Variants in TSFM observed in about 807,000 individuals in gnomAD.
TSFM encodes elongation factor Ts, mitochondrial.
Under a neutral mutation model 33.4 loss-of-function variants are expected in TSFM, and 29 were observed. That is an observed-to-expected ratio of 0.87 (90% confidence interval 0.65 to 1.18). TSFM has a LOEUF of 1.18. TSFM is among the 50% of genes most tolerant of loss of function. The probability of loss-of-function intolerance (pLI) is 0.00; values close to 1 mark genes in which losing one functional copy is unlikely to be tolerated. For synonymous variants in TSFM, 178 were observed against 163.5 expected (o/e 1.09, Z -0.68); for missense variants, 394 against 395.6 (o/e 1.00, Z 0.04).
intron 2 of TSFM, among the ~76,000 whole-genome samples, chr12:57,784,497 AACAGCATAAAACACATATTGT>A (rs1468290765): frequency 2.0e-5 from 3 of 152,236 alleles, no homozygotes; most frequent in Admixed American, 6.5e-5. Context: ...CTTTTGTAAT[AACAGCATAAAACACATATTGT>A]ACAGCTGTAC....
At chr12:57,799,565 A>G (rs1009164328), downstream of TSFM, among the ~76,000 whole-genome samples, 1 of 152,212 alleles carries the variant, frequency 6.6e-6, no homozygotes, top group African/African-American at 2.4e-5. Context: ...CTAGACTAGT[A>G]GCAGAGAAAT....
Position 57,782,803 on chromosome 12 carries a change from TGTCGCTGCTGCG to T in TSFM, c.11_22del (p.LeuArgSerLeu4_?7), listed in dbSNP as rs1199036464. On this transcript the variant is annotated start_lost and inframe_deletion, in exon 1 of 6. Coordinates refer to ENST00000652027, the MANE Select transcript of TSFM (RefSeq NM_005726.6). ...AGGGTGTTTATCGCGGCTAGAGAGA[TGTCGCTGCTGCG>T]GTCGCTGCGCGTGTTTCTGGTCGCG... 7 of 1,590,470 alleles carry T rather than the reference TGTCGCTGCTGCG, an allele frequency of 4.4e-6. No homozygotes were observed. The highest frequency in any genetic ancestry group is 1.1e-5 in the South Asian group (1 of 87,410).
At chr12:57,801,894 A>G (rs1955855842), downstream of TSFM, among the ~76,000 whole-genome samples, 1 of 152,242 alleles carries the variant, frequency 6.6e-6, no homozygotes, top group African/African-American at 2.4e-5. Context: ...TGTAAAGATC[A>G]AAAAGATGAT....
intron 1 of TSFM, 83 bp downstream of exon 1, chr12:57,782,941 G>T: frequency 1.3e-6 from 2 of 1,500,528 alleles, no homozygotes; most frequent in South Asian, 2.5e-5. Flanking sequence ...TCCCAACCTC[G>T]TTTGACTCCA....
downstream of TSFM, chr12:57,802,753 GT>G (rs1955876439): frequency 1.7e-6 from 1 of 588,070 alleles, no homozygotes; most frequent in African/African-American, 1.9e-5. Flanking sequence ...AAGCCTGAGA[GT>G]TTCCTAGAAA....
rs368544762 is a variant in TSFM, at chr12:57,792,936, A to G, written c.484-50A>G. 2.5e-5 allele frequency: 39 copies of G among 1,557,936 alleles called. No individual in the cohort carries two copies. In the African/African-American group the frequency reaches 4.9e-4, roughly 20 times the overall value. ...GACTATTTTTGCCTATTCTTTTGAT[A>G]ATTTGAATAGTACAGAATCAGTTCA... On this transcript the variant is annotated intron_variant, in intron 4 of 5. Coordinates refer to ENST00000652027, the MANE Select transcript of TSFM (RefSeq NM_005726.6).
rs1207338485 is a variant in TSFM at position 57,796,197 on chromosome 12, A to G, written c.592A>G (p.Ile198Val). The change falls in exon 6 of 6, where the codon ATT (isoleucine) becomes GTT (valine). Residue 198 changes from isoleucine to valine, a missense_variant. Physicochemically the swap from Ile to Val is conservative, Grantham distance 29. This residue lies in a region of TSFM where 186 missense variants were observed against 198.8 expected (regional missense o/e 0.94). Coordinates refer to ENST00000652027, the MANE Select transcript of TSFM (RefSeq NM_005726.6). Reference protein sequence around the residue: ...LAIGKLGENMILKRAAWVKVP... With the variant: ...LAIGKLGENMVLKRAAWVKVP... ...AATAGGAAAACTGGGAGAAAACATGATTCTTAAACGAGCTGCATGGGTGAA... is the reference window on the plus strand; with the variant it reads ...AATAGGAAAACTGGGAGAAAACATGGTTCTTAAACGAGCTGCATGGGTGAA... The G allele has an allele frequency of 2.5e-6, 4 of 1,576,024 alleles. No homozygotes were observed. The highest frequency in any genetic ancestry group is 3.4e-6 in the Non-Finnish European group (4 of 1,161,274).
At chr12:57,786,349 T>C (rs1955591334) in intron 3 of TSFM, 58 bp downstream of exon 3, 1 of 1,565,968 alleles carries the variant, frequency 6.4e-7, no homozygotes, top group Non-Finnish European at 8.7e-7. Context: ...GTAAAGCTTG[T>C]AGTAGGCCCT....
chr12:57,785,903 C>T lies in TSFM; in HGVS notation c.232-260C>T, dbSNP rs111599543. ...TGCAGTCCGTCATTGTCCAAAATATCGTTATGTGGTGCGTAACTGTATAAA... is the reference window on the plus strand; with the variant it reads ...TGCAGTCCGTCATTGTCCAAAATATTGTTATGTGGTGCGTAACTGTATAAA... On this transcript the variant is annotated intron_variant, in intron 2 of 5. Coordinates refer to ENST00000652027, the MANE Select transcript of TSFM (RefSeq NM_005726.6). 5.4e-3 allele frequency among the ~76,000 whole-genome samples: 817 copies of T among 152,206 alleles called. 6 individuals carry two copies. The highest frequency in any genetic ancestry group is 0.018 in the African/African-American group (767 of 41,512).
chr12:57,786,812 A>G (rs1021924251), intron 3 of TSFM, among the ~76,000 whole-genome samples: 2 of 152,184 alleles, frequency 1.3e-5, no homozygotes, highest in African/African-American at 2.4e-5. Flanking sequence ...ACATTATTGA[A>G]CCATCTTCTG....
At chr12:57,794,960 C>T (rs543227984) in intron 5 of TSFM, among the ~76,000 whole-genome samples, 21 of 151,756 alleles carry the variant, frequency 1.4e-4, no homozygotes, top group African/African-American at 4.3e-4. Flanking sequence ...GGGGTTTCAC[C>T]GTGTTAGCCA....
chr12:57,798,412 G>C (rs570702636), downstream of TSFM, among the ~76,000 whole-genome samples: 5 of 152,096 alleles, frequency 3.3e-5, no homozygotes, highest in African/African-American at 7.2e-5. Context: ...GGATCTTATT[G>C]AGCATAAAAT....
intron 4 of TSFM, 112 bp from the exon 5 acceptor site, chr12:57,792,874 G>C: frequency 6.6e-6 from 7 of 1,053,264 alleles, no homozygotes; most frequent in Non-Finnish European, 9.7e-6. Flanking sequence ...TTACAGGCGT[G>C]AGCCACCACG....
chr12:57,784,252 T>G, intron 2 of TSFM: 1 of 642,934 alleles, frequency 1.6e-6, no homozygotes. Flanking sequence ...CATAGGGAAC[T>G]TATCATGTAT....
chr12:57,786,022 G>T (rs1263605495), intron 2 of TSFM, 141 bp from the exon 3 acceptor site: 21 of 1,062,748 alleles, frequency 2.0e-5, no homozygotes, highest in African/African-American at 3.2e-5. Context: ...GCATTTAGTG[G>T]TAGACTGCCA....
At chr12:57,789,033 G>T (rs568417835) in intron 4 of TSFM, among the ~76,000 whole-genome samples, 2 of 144,876 alleles carry the variant, frequency 1.4e-5, no homozygotes, top group Non-Finnish European at 3.0e-5. Context: ...GTGCCATCTC[G>T]CTCACTGCAA....
downstream of TSFM, among the ~76,000 whole-genome samples, chr12:57,798,549 G>A (rs780940172): frequency 1.2e-4 from 18 of 152,110 alleles, no homozygotes; most frequent in Middle Eastern, 3.4e-3. Context: ...GACATTGTGG[G>A]AAATCCAGAG....
At chr12:57,793,955 G>T (rs1045083718) in intron 5 of TSFM, among the ~76,000 whole-genome samples, 2 of 152,212 alleles carry the variant, frequency 1.3e-5, no homozygotes, top group Non-Finnish European at 2.9e-5. Flanking sequence ...AACCACATCT[G>T]GATCATTGTG....
downstream of TSFM, chr12:57,802,803 T>C (rs1037308662): frequency 1.9e-5 from 11 of 571,606 alleles, no homozygotes; most frequent in Non-Finnish European, 3.4e-5. Flanking sequence ...TGACCAACTT[T>C]ACCTCCTAAG....
Sources: allele counts gnomAD v4.1 joint callset (sites outside exome capture counted in the v4.1 genomes callset), GRCh38; gene constraint gnomAD v4.1.1; regional missense constraint gnomAD v4.1.1; transcripts MANE v1.5; gene names NCBI Gene and HGNC (gene_info 2026-07-23, HGNC 2026-07-21).